The following SEZ6L variants were observed in gnomAD, a reference collection of about 807,000 sequenced individuals.
SEZ6L encodes the protein seizure related 6 homolog like, also known as seizure 6-like protein.
Under a neutral mutation model 106.2 loss-of-function variants are expected in SEZ6L, and 37 were observed. The ratio of observed to expected loss-of-function variants is 0.35; its 90% CI spans 0.27 to 0.46. SEZ6L has a LOEUF of 0.46. SEZ6L is among the 20% of genes least tolerant of loss of function. The pLI is 1.00. For synonymous variants in SEZ6L, 541 were observed against 570.4 expected (o/e 0.95, Z 0.73); for missense variants, 1,172 against 1,332.8 (o/e 0.88, Z 1.88).
At chr22:26,355,048 T>C (rs1384813317) in intron 12 of SEZ6L, among the ~76,000 whole-genome samples, 1 of 152,266 alleles carries the variant, frequency 6.6e-6, no homozygotes, top group Non-Finnish European at 1.5e-5. Context: ...GTCTAGGTTC[T>C]GAAGGCATTT....
chr22:26,369,648 T>C (rs892015320), intron 13 of SEZ6L, among the ~76,000 whole-genome samples: 2 of 151,730 alleles, frequency 1.3e-5, no homozygotes, highest in African/African-American at 2.4e-5. Flanking sequence ...CGTAAGCAGT[T>C]CCTAATAAGA....
intron 5 of SEZ6L, among the ~76,000 whole-genome samples, chr22:26,301,905 G>C (rs1207344075): frequency 6.6e-6 from 1 of 152,190 alleles, no homozygotes; most frequent in Non-Finnish European, 1.5e-5. Flanking sequence ...AAACTGTATT[G>C]CTCAAGGTCA....
At chr22:26,254,787 G>A (rs554415008) in intron 1 of SEZ6L, among the ~76,000 whole-genome samples, 258 of 152,238 alleles carry the variant, frequency 1.7e-3, no homozygotes, top group African/African-American at 5.8e-3. Context: ...TGAGTGTCAG[G>A]GGTCTTAATG....
intron 1 of SEZ6L, among the ~76,000 whole-genome samples, chr22:26,239,179 G>A (rs907546391): frequency 3.3e-5 from 5 of 152,126 alleles, no homozygotes; most frequent in African/African-American, 9.7e-5. Context: ...AGCCATGATC[G>A]GGCCACTGCT....
intron 4 of SEZ6L, 85 bp from the exon 5 acceptor site, chr22:26,298,899 C>T: frequency 7.3e-7 from 1 of 1,361,694 alleles, no homozygotes; most frequent in Non-Finnish European, 9.9e-7. Context: ...CTCTCCCCAG[C>T]ACAAACTGGC....
At chr22:26,312,048 C>A in intron 8 of SEZ6L, 86 bp downstream of exon 8, 2 of 1,327,828 alleles carry the variant, frequency 1.5e-6, no homozygotes, top group Admixed American at 2.0e-5. Context: ...GCTTAGAGGC[C>A]TGTCCCCAGT....
intron 14 of SEZ6L, 62 bp from the exon 15 acceptor site, chr22:26,375,513 T>C (rs2146084524): frequency 7.3e-7 from 1 of 1,363,048 alleles, no homozygotes; most frequent in Non-Finnish European, 1.0e-6. Flanking sequence ...AACTGGGCAG[T>C]TGGGCACTCA....
chr22:26,304,405 A>AAAGAAAGAAAG, intron 5 of SEZ6L, among the ~76,000 whole-genome samples: 1 of 150,884 alleles, frequency 6.6e-6, no homozygotes, highest in Non-Finnish European at 1.5e-5. Context: ...AGAAAGAAAG[A>AAAGAAAGAAAG]AAGAAAGAAA....
intron 1 of SEZ6L, among the ~76,000 whole-genome samples, chr22:26,170,353 G>A (rs1009956892): frequency 6.6e-5 from 10 of 152,128 alleles, no homozygotes; most frequent in African/African-American, 2.4e-4. Flanking sequence ...GGCCGGTGGA[G>A]GGGGCTGAGG....
chr22:26,177,417 C>T (rs1471319831), intron 1 of SEZ6L, among the ~76,000 whole-genome samples: 2 of 152,244 alleles, frequency 1.3e-5, no homozygotes, highest in African/African-American at 2.4e-5. Flanking sequence ...CGGGTCCTCA[C>T]TAAAGCCATC....
Position 26,296,472 on chromosome 22 carries a change from T to A in SEZ6L, c.970-416T>A, listed in dbSNP as rs115291203. On this transcript the variant is annotated intron_variant, in intron 3 of 16. Transcript: ENST00000248933. ...GAGAAATCCCTAACCTTGCAGAGTA[T>A]ACATTCTGGTAGAATGCTTCTCCCG... Among the ~76,000 whole-genome samples the A allele has an allele frequency of 5.6e-3, 846 of 152,346 alleles. 11 individuals are homozygous for A. The highest frequency in any genetic ancestry group is 0.02 in the African/African-American group (812 of 41,570).
At chr22:26,329,165 A>G (rs2082405747) in intron 9 of SEZ6L, among the ~76,000 whole-genome samples, 1 of 152,120 alleles carries the variant, frequency 6.6e-6, no homozygotes, top group Non-Finnish European at 1.5e-5. Flanking sequence ...GAGAAGGAAC[A>G]AAGAAGAGAC....
At chr22:26,233,011 C>T (rs565536211) in intron 1 of SEZ6L, among the ~76,000 whole-genome samples, 9 of 152,330 alleles carry the variant, frequency 5.9e-5, no homozygotes, top group African/African-American at 1.7e-4. Context: ...GTGTACTCAG[C>T]GGCGCTCCGC....
chr22:26,300,942 T>C (rs530222766), intron 5 of SEZ6L, among the ~76,000 whole-genome samples: 1 of 152,278 alleles, frequency 6.6e-6, no homozygotes, highest in Non-Finnish European at 1.5e-5. Context: ...ACAGTGTTAT[T>C]TGATGCACAA....
intron 9 of SEZ6L, among the ~76,000 whole-genome samples, chr22:26,330,588 G>A (rs1470694887): frequency 6.6e-6 from 1 of 152,176 alleles, no homozygotes; most frequent in Admixed American, 6.5e-5. Context: ...GGGGCTTGGT[G>A]TACTGGATGT....
At chr22:26,245,133 G>C (rs776220250) in intron 1 of SEZ6L, among the ~76,000 whole-genome samples, 11 of 152,134 alleles carry the variant, frequency 7.2e-5, no homozygotes, top group Admixed American at 2.6e-4. Context: ...TTGTGGTGGG[G>C]AGGTGAGGGA....
intron 1 of SEZ6L, among the ~76,000 whole-genome samples, chr22:26,178,938 G>T (rs765876317): frequency 6.6e-6 from 1 of 152,128 alleles, no homozygotes; most frequent in Non-Finnish European, 1.5e-5. Context: ...GATTTTTGTG[G>T]TATAGTGCTA....
chr22:26,201,529 C>G (rs1940957341), intron 1 of SEZ6L, among the ~76,000 whole-genome samples: 1 of 151,732 alleles, frequency 6.6e-6, no homozygotes, highest in African/African-American at 2.4e-5. Flanking sequence ...CCACTCTACT[C>G]CAGCCTGGGA....
intron 1 of SEZ6L, among the ~76,000 whole-genome samples, chr22:26,201,671 A>G (rs927305880): frequency 2.0e-5 from 3 of 152,214 alleles, no homozygotes; most frequent in African/African-American, 7.2e-5. Flanking sequence ...TAAAGCCCAT[A>G]CTACCACTGC....
Sources: gnomAD v4.1 joint callset for allele counts (sites outside exome capture counted in the v4.1 genomes callset) on GRCh38, gnomAD v4.1.1 for gene constraint, MANE v1.5 for transcripts, NCBI Gene and HGNC (gene_info 2026-07-23, HGNC 2026-07-21) for gene names.